Variants in ILRUN observed in about 807,000 individuals in gnomAD.
ILRUN encodes the protein inflammation and lipid regulator with UBA-like and NBR1-like domains.
Under a neutral mutation model 33.8 loss-of-function variants are expected in ILRUN, and 3 were observed. The observed-to-expected ratio is 0.09, with a 90% CI of 0.04 to 0.23. The LOEUF is 0.23. Ranked by LOEUF, ILRUN falls within the 10% of genes least tolerant of loss-of-function variation. The pLI is 1.00. For synonymous variants in ILRUN, 124 were observed against 138.9 expected, an observed-to-expected ratio of 0.89 and a Z score of 0.75; for missense variants, 210 against 375.1, an observed-to-expected ratio of 0.56 and a Z score of 3.64.
intron 2 of ILRUN, among the ~76,000 whole-genome samples, chr6:34,653,826 G>A: frequency 6.6e-6 from 1 of 151,852 alleles, no homozygotes; most frequent in East Asian, 1.9e-4. Context: ...AAAATTAGCT[G>A]GGCACAGTAG....
intron 3 of ILRUN, among the ~76,000 whole-genome samples, chr6:34,610,279 C>A (rs1303804944): frequency 1.3e-5 from 2 of 152,178 alleles, no homozygotes; most frequent in Non-Finnish European, 2.9e-5. Context: ...GTGCCACTTC[C>A]CTTGAAAATC....
rs1761224989 is a variant in ILRUN at position 34,587,896 on chromosome 6, C to G, written c.*2669G>C. On this transcript the variant is annotated 3_prime_UTR_variant, in exon 5 of 5. Transcript: ENST00000374023. ...CTGGGTTCAGACCCTATCACCTAAC[C>G]ATGGTGTCTGCCTCACCTCCTGGGT... is the stretch of plus-strand genomic sequence containing the variant. 3 of 396,658 alleles carry G rather than the reference C, an allele frequency of 7.6e-6. No homozygotes were observed. Among genetic ancestry groups the G allele is most frequent in the African/African-American group, 6.2e-5 (3 of 48,606 alleles). 24.6% of individuals were successfully genotyped at this position (396,658 alleles called of 1,614,324 possible).
intron 1 of ILRUN, among the ~76,000 whole-genome samples, chr6:34,665,632 T>TAA (rs1412068310): frequency 1.3e-5 from 2 of 152,066 alleles, no homozygotes; most frequent in Non-Finnish European, 2.9e-5. Context: ...TCTTGTTACA[T>TAA]TTCACAGGCT....
intron 1 of ILRUN, among the ~76,000 whole-genome samples, chr6:34,659,922 A>G (rs1762853695): frequency 6.6e-6 from 1 of 151,992 alleles, no homozygotes; most frequent in African/African-American, 2.4e-5. Context: ...CGCCCGGCCC[A>G]TAAGGCAGTC....
chr6:34,621,757 G>T (rs189784787), intron 3 of ILRUN, among the ~76,000 whole-genome samples: 4 of 152,092 alleles, frequency 2.6e-5, no homozygotes, highest in Non-Finnish European at 4.4e-5. Context: ...AGGTACTCAG[G>T]AGGCTGGGGC....
chr6:34,673,334 G>T (rs186338073), intron 1 of ILRUN, among the ~76,000 whole-genome samples: 7 of 152,146 alleles, frequency 4.6e-5, no homozygotes, highest in Admixed American at 1.3e-4. Flanking sequence ...TTCTAGAAAA[G>T]AATTCTTCAA....
chr6:34,618,582 G>C (rs1242486836), intron 3 of ILRUN, among the ~76,000 whole-genome samples: 1 of 152,164 alleles, frequency 6.6e-6, no homozygotes, highest in South Asian at 2.1e-4. Context: ...CCTGTTCCAT[G>C]GCATTCCACA....
intron 4 of ILRUN, among the ~76,000 whole-genome samples, chr6:34,600,214 T>G (rs1278679357): frequency 6.6e-6 from 1 of 152,216 alleles, no homozygotes; most frequent in African/African-American, 2.4e-5. Flanking sequence ...CAAAGCTTTA[T>G]AAGGGCCCGC....
At chr6:34,692,981 G>A (rs1763677437) in intron 1 of ILRUN, among the ~76,000 whole-genome samples, 1 of 152,158 alleles carries the variant, frequency 6.6e-6, no homozygotes, top group African/African-American at 2.4e-5. Context: ...AAGAGGCTGA[G>A]GTGGGAGGAT....
rs144411971 is a variant in ILRUN, at chr6:34,679,575, T to C, written c.158+16871A>G. The stretch of plus-strand genomic sequence containing the variant: ...ACAAAATCTTTAAAGTGTTGAATTA[T>C]ATTTATTAAGACTGGGAAAATGGTT... On this transcript the variant is annotated intron_variant, in intron 1 of 4. Transcript: ENST00000374023. Among the ~76,000 whole-genome samples, 44 of 152,360 alleles carry C rather than the reference T, an allele frequency of 2.9e-4. No homozygotes were observed. In the East Asian group the frequency reaches 7.7e-3, roughly 27 times the overall value.
intron 1 of ILRUN, among the ~76,000 whole-genome samples, chr6:34,666,334 C>T (rs990920505): frequency 8.5e-5 from 13 of 152,132 alleles, no homozygotes; most frequent in African/African-American, 2.6e-4. Flanking sequence ...CCGAGGCAGG[C>T]GGATCACCTG....
At chr6:34,683,020 T>C (rs370664949) in intron 1 of ILRUN, among the ~76,000 whole-genome samples, 1 of 151,786 alleles carries the variant, frequency 6.6e-6, no homozygotes, top group East Asian at 1.9e-4. Flanking sequence ...TCCCAGCTAT[T>C]TGGGAGGTTG....
chr6:34,605,318 C>CAAAAAAAA (rs78612898), intron 4 of ILRUN, among the ~76,000 whole-genome samples: 11 of 74,134 alleles, frequency 1.5e-4, no homozygotes, highest in East Asian at 4.6e-4. Context: ...AAAACAAAAA[C>CAAAAAAAA]AAAAAAAAAA....
intron 3 of ILRUN, among the ~76,000 whole-genome samples, chr6:34,643,794 C>T (rs759797976): frequency 1.4e-4 from 21 of 152,242 alleles, no homozygotes; most frequent in Non-Finnish European, 2.2e-4. Flanking sequence ...CCTCCACCTC[C>T]CAGGTTCAAA....
chr6:34,627,109 C>G (rs1157490314), intron 3 of ILRUN, among the ~76,000 whole-genome samples: 2 of 152,188 alleles, frequency 1.3e-5, no homozygotes, highest in Non-Finnish European at 2.9e-5. Context: ...GATGCTTTTA[C>G]TGTCTCCGTA....
intron 3 of ILRUN, among the ~76,000 whole-genome samples, chr6:34,613,885 T>TA (rs1253420050): frequency 1.3e-5 from 2 of 152,188 alleles, no homozygotes; most frequent in Non-Finnish European, 2.9e-5. Flanking sequence ...GATTCTCCAG[T>TA]AAAAAGTACA....
chr6:34,652,381 T>C (rs1448594633), intron 2 of ILRUN, among the ~76,000 whole-genome samples: 1 of 152,138 alleles, frequency 6.6e-6, no homozygotes, highest in African/African-American at 2.4e-5. Flanking sequence ...GCGAATGAAA[T>C]TTTACAAAGT....
intron 2 of ILRUN, 106 bp downstream of exon 2, chr6:34,654,519 A>C: frequency 4.4e-6 from 5 of 1,138,468 alleles, no homozygotes; most frequent in Non-Finnish European, 6.2e-6. Context: ...TGTAAGAGAA[A>C]GCTCGCAGTT....
chr6:34,608,934 T>C (rs1761688203), intron 3 of ILRUN, among the ~76,000 whole-genome samples: 1 of 152,210 alleles, frequency 6.6e-6, no homozygotes, highest in Non-Finnish European at 1.5e-5. Flanking sequence ...TGGAAGGTTT[T>C]CAAAAAGCAA....
Sources: gnomAD v4.1 joint callset for allele counts (sites outside exome capture counted in the v4.1 genomes callset) on GRCh38, gnomAD v4.1.1 for gene constraint, MANE v1.5 for transcripts, NCBI Gene and HGNC (gene_info 2026-07-23, HGNC 2026-07-21) for gene names.